The following SCNN1B variants were observed in gnomAD, a reference collection of about 807,000 sequenced individuals.
The protein encoded by SCNN1B is epithelial sodium channel subunit beta.
Under a neutral mutation model 65.3 loss-of-function variants are expected in SCNN1B, and 46 were observed. The ratio of observed to expected loss-of-function variants is 0.70; its 90% confidence interval spans 0.56 to 0.90. The LOEUF is 0.90. Ranked by LOEUF, SCNN1B falls within the 40% of genes least tolerant of loss-of-function variation. The pLI is 0.00. For missense variants in SCNN1B, 751 were observed against 830.5 expected, an observed-to-expected ratio of 0.90 and a Z score of 1.18; for synonymous variants, 349 against 330.6, an observed-to-expected ratio of 1.06 and a Z score of -0.60.
chr16:23,356,556 C>T lies in SCNN1B; in HGVS notation c.776+1067C>T, dbSNP rs571356263. Reference sequence around the variant, plus strand: ...GGAGGATCACTTGAGTCCAGGAGGTCGAAGCTACAGTGAGCCATGATCACG... The same window carrying T: ...GGAGGATCACTTGAGTCCAGGAGGTTGAAGCTACAGTGAGCCATGATCACG... On this transcript the variant is annotated intron_variant, in intron 4 of 12. Transcript: ENST00000343070. Among the ~76,000 whole-genome samples, 11 of 151,088 alleles carry T rather than the reference C, an allele frequency of 7.3e-5. No homozygotes were observed. The Middle Eastern group carries it at 0.014, about 187-fold the overall frequency.
At chr16:23,316,271 T>C (rs1267663537) in intron 1 of SCNN1B, among the ~76,000 whole-genome samples, 169 of 94,830 alleles carry the variant, frequency 1.8e-3, no homozygotes, top group Middle Eastern at 0.01. Flanking sequence ...TATCACCATC[T>C]TCACCATCAC....
At chr16:23,320,043 G>A (rs1037778538) in intron 1 of SCNN1B, among the ~76,000 whole-genome samples, 11 of 152,088 alleles carry the variant, frequency 7.2e-5, no homozygotes, top group South Asian at 4.2e-4. Flanking sequence ...CACCTTGCCC[G>A]GCCACGTCTC....
chr16:23,304,460 G>A (rs967002471), intron 1 of SCNN1B, among the ~76,000 whole-genome samples: 2 of 152,214 alleles, frequency 1.3e-5, no homozygotes, highest in Admixed American at 1.3e-4. Context: ...CTAAGGCTGA[G>A]ACTCAGCCAG....
intron 1 of SCNN1B, among the ~76,000 whole-genome samples, chr16:23,332,472 C>T (rs899530839): frequency 2.0e-5 from 3 of 152,190 alleles, no homozygotes; most frequent in Admixed American, 6.5e-5. Context: ...GCTGGGATTA[C>T]AGGAGTAAAG....
intron 1 of SCNN1B, among the ~76,000 whole-genome samples, chr16:23,311,497 C>T (rs1416079781): frequency 2.0e-5 from 3 of 152,212 alleles, no homozygotes; most frequent in Admixed American, 6.5e-5. Flanking sequence ...GTCTCACCTA[C>T]GTCTATGTGT....
At chr16:23,345,204 G>A (rs1240941516) in intron 1 of SCNN1B, among the ~76,000 whole-genome samples, 1 of 152,160 alleles carries the variant, frequency 6.6e-6, no homozygotes, top group African/African-American at 2.4e-5. Flanking sequence ...ATATTCTGTG[G>A]GGTGTCAGGC....
At chr16:23,339,800 C>T (rs1962017934) in intron 1 of SCNN1B, among the ~76,000 whole-genome samples, 1 of 152,114 alleles carries the variant, frequency 6.6e-6, no homozygotes, top group Non-Finnish European at 1.5e-5. Context: ...CTCCTGACCT[C>T]AAGTGATCCA....
chr16:23,332,371 A>G (rs1224184902), intron 1 of SCNN1B, among the ~76,000 whole-genome samples: 1 of 151,788 alleles, frequency 6.6e-6, no homozygotes, highest in Admixed American at 6.6e-5. Flanking sequence ...AATTTTTTGT[A>G]TATTTAGTAG....
intron 10 of SCNN1B, among the ~76,000 whole-genome samples, chr16:23,377,978 T>A (rs1347213196): frequency 6.6e-6 from 1 of 152,156 alleles, no homozygotes; most frequent in Non-Finnish European, 1.5e-5. Flanking sequence ...AGAGAGTAAC[T>A]GCGGGAAACT....
chr16:23,305,551 TATA>T (rs1961185764), intron 1 of SCNN1B, among the ~76,000 whole-genome samples: 7 of 52,820 alleles, frequency 1.3e-4, no homozygotes, highest in Non-Finnish European at 2.5e-4. Flanking sequence ...TATATATATA[TATA>T]TATATATATA....
chr16:23,310,148 G>A (rs531931433), intron 1 of SCNN1B, among the ~76,000 whole-genome samples: 12 of 152,252 alleles, frequency 7.9e-5, no homozygotes, highest in East Asian at 3.9e-4. Context: ...AGGCTGAGGC[G>A]AGAGGATTGC....
chr16:23,363,640 C>G (rs1169198695), intron 4 of SCNN1B, among the ~76,000 whole-genome samples: 5 of 151,934 alleles, frequency 3.3e-5, no homozygotes, highest in Non-Finnish European at 7.4e-5. Flanking sequence ...TAGCAAGACC[C>G]CATCTCCACA....
chr16:23,299,559 G>A (rs1390358824), upstream of SCNN1B, among the ~76,000 whole-genome samples: 1 of 152,172 alleles, frequency 6.6e-6, no homozygotes, highest in Non-Finnish European at 1.5e-5. Context: ...TTTTTCACCT[G>A]TGGACATTTT....
chr16:23,365,519 AAAAGAGAG>A (rs1382027518), intron 4 of SCNN1B, among the ~76,000 whole-genome samples: 1 of 147,932 alleles, frequency 6.8e-6, no homozygotes, highest in African/African-American at 2.5e-5. Context: ...AAAGAAAAGA[AAAAGAGAG>A]AAAGAGAGAA....
Position 23,367,926 on chromosome 16 carries a change from G to A in SCNN1B, c.847G>A (p.Ala283Thr), listed in dbSNP as rs768679142. The A allele has an allele frequency of 6.2e-7, 1 of 1,614,178 alleles. No homozygotes were observed. Among genetic ancestry groups the A allele is most frequent in the Non-Finnish European group, 8.5e-7 (1 of 1,179,990 alleles). The change falls in exon 5 of 13, where the codon GCA (alanine) becomes ACA (threonine). Residue 283 changes from alanine to threonine, a missense_variant. Physicochemically the swap from Ala to Thr is moderately conservative, Grantham distance 58. Coordinates refer to ENST00000343070, the MANE Select transcript of SCNN1B (RefSeq NM_000336.3). ...CTTCAACTGGGGCATGACAGAGAAG[G>A]CACTTCCTTCGGCCAACCCTGGAAC... ...YIFNWGMTEK[A>T]LPSANPGTEF... is the part of the protein sequence containing the mutation.
rs749479577 is a variant in SCNN1B at position 23,371,351 on chromosome 16, G to T, written c.933G>T (p.Ala311=). The T allele has an allele frequency of 6.8e-6, 11 of 1,614,000 alleles. No individual in the cohort carries two copies. The highest frequency in any genetic ancestry group is 9.3e-6 in the Non-Finnish European group (11 of 1,180,010). The change falls in exon 6 of 13, where the codon GCG becomes GCT. Residue 311 remains alanine (A), a synonymous_variant. Coordinates refer to ENST00000343070, the MANE Select transcript of SCNN1B (RefSeq NM_000336.3). ...AGGAAGACTACGTCCCCTTCCTTGC[G>T]TCCACGGCCGGGGTCAGGCTGATGC... ...IGQEDYVPFL[A]STAGVRLMLH...
chr16:23,283,286 CTGTAG>C (rs1960807048), intron 1 of SCNN1B, among the ~76,000 whole-genome samples: 1 of 152,194 alleles, frequency 6.6e-6, no homozygotes. Context: ...TGGCACATGC[CTGTAG>C]TCCCAGCTAC....
intron 4 of SCNN1B, among the ~76,000 whole-genome samples, chr16:23,360,955 C>A (rs1046446715): frequency 6.6e-6 from 1 of 152,048 alleles, no homozygotes; most frequent in Non-Finnish European, 1.5e-5. Context: ...CCACCACAAC[C>A]GGCTAATTTT....
chr16:23,371,861 A>T lies in SCNN1B; in HGVS notation c.1130A>T (p.Tyr377Phe), dbSNP rs1459236061. 9.9e-6 allele frequency: 16 copies of T among 1,613,704 alleles called. No homozygotes were observed. Among genetic ancestry groups the T allele is most frequent in the Non-Finnish European group, 1.4e-5 (16 of 1,179,662 alleles). The change falls in exon 7 of 13, where the codon TAC becomes TTC. Residue 377 changes from tyrosine (Y) to phenylalanine (F), a missense_variant. Transcript: ENST00000343070. ...EVPVQNFYSD[Y>F]NTTYSIQACL... ...CCCGTCCAAAACTTCTACAGTGACT[A>T]CAACACGACCTACTCCATCCAGGTG...
Sources: gnomAD v4.1 joint callset for allele counts (sites outside exome capture counted in the v4.1 genomes callset) on GRCh38, gnomAD v4.1.1 for gene constraint, MANE v1.5 for transcripts, NCBI Gene and HGNC (gene_info 2026-07-23, HGNC 2026-07-21) for gene names.